PFDN2: variants seen among roughly 807,000 people sequenced by gnomAD.
PFDN2 encodes the protein prefoldin 2.
PFDN2 carries 7 observed loss-of-function variants against 18.3 expected under a neutral mutation model. The observed-to-expected ratio is 0.38, with a 90% CI of 0.22 to 0.72. PFDN2 has a LOEUF of 0.72. PFDN2 is among the 30% of genes least tolerant of loss of function. The pLI is 0.47. For missense variants in PFDN2, 181 were observed against 199.1 expected, an observed-to-expected ratio of 0.91 and a Z score of 0.55; for synonymous variants, 76 against 75.0, an observed-to-expected ratio of 1.01 and a Z score of -0.07.
At chr1:161,106,949 T>C (rs188970724) in intron 1 of PFDN2, among the ~76,000 whole-genome samples, 12 of 152,184 alleles carry the variant, frequency 7.9e-5, no homozygotes, top group Admixed American at 7.9e-4. Flanking sequence ...GATGGGACCA[T>C]TGGCATGTGC....
At chr1:161,106,316 TAA>T (rs973136590) in intron 1 of PFDN2, among the ~76,000 whole-genome samples, 1 of 152,060 alleles carries the variant, frequency 6.6e-6, no homozygotes, top group Non-Finnish European at 1.5e-5. Context: ...CAGTCTCAGG[TAA>T]TTATAGCAAC....
intron 3 of PFDN2, 77 bp downstream of exon 3, chr1:161,101,971 A>G: frequency 3.3e-6 from 5 of 1,499,058 alleles, no homozygotes; most frequent in Non-Finnish European, 3.7e-6. Context: ...GGACTCAAAG[A>G]GTCCACCTGC....
At chr1:161,108,387 G>T (rs1248996101) in intron 1 of PFDN2, among the ~76,000 whole-genome samples, 2 of 150,594 alleles carry the variant, frequency 1.3e-5, no homozygotes, top group East Asian at 3.9e-4. Context: ...GAACCTGGGC[G>T]ACAGAGGTTG....
intron 1 of PFDN2, among the ~76,000 whole-genome samples, chr1:161,112,832 C>T (rs1357517734): frequency 6.6e-6 from 1 of 151,332 alleles, no homozygotes; most frequent in Non-Finnish European, 1.5e-5. Flanking sequence ...TCAACATATA[C>T]TATTAGGCTT....
chr1:161,108,256 C>G (rs1273022337), intron 1 of PFDN2, among the ~76,000 whole-genome samples: 2 of 151,260 alleles, frequency 1.3e-5, no homozygotes, highest in Non-Finnish European at 2.9e-5. Context: ...AGTTCAAGAC[C>G]AGCCTGGCTG....
intron 1 of PFDN2, among the ~76,000 whole-genome samples, chr1:161,106,733 C>T (rs2101701977): frequency 6.6e-6 from 1 of 152,316 alleles, no homozygotes; most frequent in East Asian, 1.9e-4. Flanking sequence ...AACTCCTGGG[C>T]TCAAGTGATC....
chr1:161,118,022 G>T lies in PFDN2; in HGVS notation c.5C>A (p.Ala2Glu). 1.2e-6 allele frequency: 2 copies of T among 1,611,116 alleles called. No individual in the cohort carries two copies. Among genetic ancestry groups the T allele is most frequent in the South Asian group, 2.2e-5 (2 of 90,926 alleles). The change falls in exon 1 of 4, where the codon GCG becomes GAG. Residue 2 changes from alanine to glutamate, a missense_variant. Transcript: ENST00000368010. ...CTTGCCGGCGCGACCGCTGTTCTCC[G>T]CCATCTTCGCCGCCTGCTGGGTTTC... M[A>E]ENSGRAGKSS...
chr1:161,108,847 ATGTAAC>A (rs1654742632), intron 1 of PFDN2, among the ~76,000 whole-genome samples: 1 of 152,152 alleles, frequency 6.6e-6, no homozygotes, highest in African/African-American at 2.4e-5. Context: ...TAGAGTTGGA[ATGTAAC>A]TCCAGAAACC....
chr1:161,101,914 G>A (rs1189014064), intron 3 of PFDN2, 134 bp downstream of exon 3: 2 of 799,716 alleles, frequency 2.5e-6, no homozygotes, highest in East Asian at 2.7e-5. Flanking sequence ...TGTATTTTTT[G>A]TAGTGATATG....
chr1:161,107,460 T>C (rs1032283708), intron 1 of PFDN2, among the ~76,000 whole-genome samples: 2 of 147,342 alleles, frequency 1.4e-5, no homozygotes, highest in South Asian at 4.4e-4. Flanking sequence ...TAACTAATCC[T>C]CTGCGTTAGA....
chr1:161,100,961 C>G (rs1654543765), intron 3 of PFDN2, 102 bp from the exon 4 acceptor site: 1 of 811,416 alleles, frequency 1.2e-6, no homozygotes, highest in South Asian at 1.8e-5. Flanking sequence ...TTAACCTTAC[C>G]TTTAACCAAG....
chr1:161,105,485 T>C (rs532047560), intron 1 of PFDN2, among the ~76,000 whole-genome samples: 1 of 151,802 alleles, frequency 6.6e-6, no homozygotes, highest in Non-Finnish European at 1.5e-5. Flanking sequence ...CTGAGAGGAG[T>C]CTTGCTCTGT....
chr1:161,113,503 C>T (rs1285436631), intron 1 of PFDN2, among the ~76,000 whole-genome samples: 1 of 152,176 alleles, frequency 6.6e-6, no homozygotes, highest in Non-Finnish European at 1.5e-5. Flanking sequence ...TAGGCCTGAG[C>T]GGTGGCTCAG....
At chr1:161,109,271 A>C (rs1266028046) in intron 1 of PFDN2, among the ~76,000 whole-genome samples, 1 of 152,144 alleles carries the variant, frequency 6.6e-6, no homozygotes, top group Non-Finnish European at 1.5e-5. Flanking sequence ...GCTTAAGTCT[A>C]GTTCTTTCTT....
At chr1:161,108,191 C>T (rs1654725790) in intron 1 of PFDN2, among the ~76,000 whole-genome samples, 2 of 144,914 alleles carry the variant, frequency 1.4e-5, no homozygotes, top group Non-Finnish European at 3.0e-5. Flanking sequence ...GGTGGCTCAC[C>T]CCTATAATCC....
At chr1:161,103,308 T>A (rs953949544) in intron 1 of PFDN2, among the ~76,000 whole-genome samples, 1 of 152,160 alleles carries the variant, frequency 6.6e-6, no homozygotes, top group African/African-American at 2.4e-5. Flanking sequence ...CCCCAGTTCT[T>A]GAACTTTGTT....
intron 1 of PFDN2, among the ~76,000 whole-genome samples, chr1:161,117,323 G>T (rs937938288): frequency 6.6e-6 from 1 of 152,136 alleles, no homozygotes; most frequent in African/African-American, 2.4e-5. Context: ...TTTCCACTTA[G>T]CAAAACACGG....
intron 1 of PFDN2, among the ~76,000 whole-genome samples, chr1:161,103,189 G>A (rs1654606739): frequency 6.6e-6 from 1 of 152,090 alleles, no homozygotes; most frequent in Admixed American, 6.6e-5. Flanking sequence ...TCTCTCTACA[G>A]GAATTGGAAT....
chr1:161,107,815 C>G (rs1654714025), intron 1 of PFDN2, among the ~76,000 whole-genome samples: 1 of 150,302 alleles, frequency 6.7e-6, no homozygotes, highest in Admixed American at 6.7e-5. Flanking sequence ...GATTCTGTCT[C>G]AAAAAAACAA....
Sources: allele counts gnomAD v4.1 joint callset (sites outside exome capture counted in the v4.1 genomes callset), GRCh38; gene constraint gnomAD v4.1.1; transcripts MANE v1.5; gene names NCBI Gene and HGNC (gene_info 2026-07-23, HGNC 2026-07-21).